The following PLPPR5 variants were observed in gnomAD, a reference collection of about 807,000 sequenced individuals.
PLPPR5 encodes phospholipid phosphatase-related protein type 5.
A neutral mutation model predicts 33.9 loss-of-function variants in PLPPR5; 16 were observed. The ratio of observed to expected loss-of-function variants is 0.47; its 90% CI spans 0.32 to 0.72. The LOEUF is 0.72. PLPPR5 is among the 30% of genes least tolerant of loss of function. The pLI, the probability that PLPPR5 is intolerant of heterozygous loss-of-function variation, is 0.03. For missense variants in PLPPR5, 301 were observed against 406.7 expected (o/e 0.74, Z 2.23); for synonymous variants, 163 against 150.3 (o/e 1.08, Z -0.62).
At chr1:99,000,786 CTTATA>C (rs1369159983) in intron 1 of PLPPR5, among the ~76,000 whole-genome samples, 2 of 152,112 alleles carry the variant, frequency 1.3e-5, no homozygotes, top group African/African-American at 4.8e-5. Flanking sequence ...GTCATAATTA[CTTATA>C]TTATGATCTG....
intron 1 of PLPPR5, among the ~76,000 whole-genome samples, chr1:98,958,927 T>A (rs1651124579): frequency 6.6e-6 from 1 of 152,058 alleles, no homozygotes; most frequent in South Asian, 2.1e-4. Context: ...GGGGTCTCCA[T>A]CCCCTGGCAG....
chr1:98,932,214 G>T (rs1420034300), intron 3 of PLPPR5, among the ~76,000 whole-genome samples: 1 of 152,198 alleles, frequency 6.6e-6, no homozygotes, highest in Non-Finnish European at 1.5e-5. Flanking sequence ...GTACCTCATG[G>T]TAGTCCACGA....
At chr1:98,998,225 C>G (rs576302653) in intron 1 of PLPPR5, among the ~76,000 whole-genome samples, 1 of 151,942 alleles carries the variant, frequency 6.6e-6, no homozygotes, top group Admixed American at 6.6e-5. Context: ...TCACTGCACC[C>G]CCAAATCTAG....
At chr1:98,906,197 AGT>A (rs763608892) in intron 5 of PLPPR5, among the ~76,000 whole-genome samples, 133 of 150,992 alleles carry the variant, frequency 8.8e-4, no homozygotes, top group African/African-American at 3.1e-3. Context: ...ATATATATAT[AGT>A]GTGTGTGTAT....
chr1:98,973,355 A>G (rs1266990000), intron 1 of PLPPR5, among the ~76,000 whole-genome samples: 1 of 151,982 alleles, frequency 6.6e-6, no homozygotes, highest in African/African-American at 2.4e-5. Flanking sequence ...GTAGGGATTG[A>G]CAGTAGGAAG....
chr1:98,943,084 G>T (rs1570719430), intron 3 of PLPPR5, among the ~76,000 whole-genome samples: 1 of 152,162 alleles, frequency 6.6e-6, no homozygotes, highest in East Asian at 1.9e-4. Context: ...TTATAGAGGT[G>T]GTTTATAGAA....
intron 1 of PLPPR5, among the ~76,000 whole-genome samples, chr1:98,983,308 A>G (rs940410154): frequency 1.5e-5 from 2 of 134,772 alleles, no homozygotes; most frequent in African/African-American, 2.8e-5. Context: ...TCATTGTTCA[A>G]TTCCCACCTA....
chr1:98,948,899 A>G (rs1289764957), intron 3 of PLPPR5, among the ~76,000 whole-genome samples: 1 of 152,322 alleles, frequency 6.6e-6, no homozygotes, highest in South Asian at 2.1e-4. Flanking sequence ...TTTATAATGC[A>G]GCAACACGTA....
intron 5 of PLPPR5, among the ~76,000 whole-genome samples, chr1:98,906,280 T>G (rs1036828065): frequency 6.6e-6 from 1 of 151,016 alleles, no homozygotes; most frequent in African/African-American, 2.4e-5. Context: ...CCTAGTACTA[T>G]ATATATACAT....
chr1:98,956,897 G>T (rs1651029843), intron 1 of PLPPR5, among the ~76,000 whole-genome samples, 156 bp from the exon 2 acceptor site: 1 of 152,096 alleles, frequency 6.6e-6, no homozygotes, highest in African/African-American at 2.4e-5. Flanking sequence ...TTTGATTATA[G>T]CCTTGTCCGT....
At position 99,004,667 on chromosome 1, in the gene PLPPR5, G is replaced by A; in HGVS notation, c.5C>T (p.Pro2Leu). The A allele has an allele frequency of 1.2e-6, 2 of 1,602,268 alleles. No individual in the cohort carries two copies. Among genetic ancestry groups the A allele is most frequent in the Non-Finnish European group, 1.7e-6 (2 of 1,175,304 alleles). Residue 2 changes from proline (P) to leucine (L), a missense_variant, in exon 1 of 6, where the codon CCC (proline) becomes CTC (leucine). By Grantham distance (98) the Pro-to-Leu change is moderately conservative (BLOSUM62 -3). Transcript: ENST00000263177. M[P>L]LLPAALTSSM... Reference sequence around the variant, plus strand: ...GCTGGTGAGCGCCGCGGGCAGCAGGGGCATGCACGCCTCCCGGGCCGGGCC... The same window carrying A: ...GCTGGTGAGCGCCGCGGGCAGCAGGAGCATGCACGCCTCCCGGGCCGGGCC...
At chr1:98,974,496 T>A (rs1162327312) in intron 1 of PLPPR5, among the ~76,000 whole-genome samples, 5 of 151,776 alleles carry the variant, frequency 3.3e-5, no homozygotes, top group Non-Finnish European at 5.9e-5. Context: ...AGGTGAGGAG[T>A]AGAAAATAGA....
At chr1:98,925,774 T>C (rs1649734518) in intron 3 of PLPPR5, among the ~76,000 whole-genome samples, 1 of 152,206 alleles carries the variant, frequency 6.6e-6, no homozygotes, top group South Asian at 2.1e-4. Context: ...GAGGCATCTA[T>C]GGTTAGATCC....
chr1:98,950,598 A>G (rs943547000), intron 3 of PLPPR5, among the ~76,000 whole-genome samples: 1 of 152,234 alleles, frequency 6.6e-6, no homozygotes, highest in East Asian at 1.9e-4. Flanking sequence ...AAAAAGGCCA[A>G]GTATATTATT....
At chr1:98,947,230 G>C (rs1202505579) in intron 3 of PLPPR5, among the ~76,000 whole-genome samples, 1 of 152,144 alleles carries the variant, frequency 6.6e-6, no homozygotes, top group Non-Finnish European at 1.5e-5. Context: ...AATGTTCTTT[G>C]CTTTTGGCTG....
chr1:99,005,382 G>A (rs77893375), upstream of PLPPR5, among the ~76,000 whole-genome samples: 2,635 of 152,212 alleles, frequency 0.017, 74 homozygotes, highest in African/African-American at 0.061. Flanking sequence ...GACCCAGCCC[G>A]GGGCTGGAGC....
At chr1:98,912,879 G>A (rs958275086) in intron 5 of PLPPR5, among the ~76,000 whole-genome samples, 1 of 152,090 alleles carries the variant, frequency 6.6e-6, no homozygotes, top group Non-Finnish European at 1.5e-5. Context: ...GTCATTATTA[G>A]TGTTAGTATA....
intron 5 of PLPPR5, among the ~76,000 whole-genome samples, chr1:98,901,234 T>C (rs1349863804): frequency 6.6e-6 from 1 of 152,064 alleles, no homozygotes; most frequent in African/African-American, 2.4e-5. Flanking sequence ...TTATATAATA[T>C]CCTGAGAATG....
chr1:98,930,315 C>A (rs539761445), intron 3 of PLPPR5, among the ~76,000 whole-genome samples: 3 of 152,098 alleles, frequency 2.0e-5, no homozygotes, highest in Non-Finnish European at 4.4e-5. Context: ...GTACTTAAAT[C>A]TTTAGGACTC....
Sources: allele counts gnomAD v4.1 joint callset (sites outside exome capture counted in the v4.1 genomes callset), GRCh38; gene constraint gnomAD v4.1.1; transcripts MANE v1.5; gene names NCBI Gene and HGNC (gene_info 2026-07-23, HGNC 2026-07-21).